Variants in PDE11A observed in about 807,000 individuals in gnomAD.
The protein encoded by PDE11A is phosphodiesterase 11A, also known as dual 3',5'-cyclic-AMP and -GMP phosphodiesterase 11A.
PDE11A carries 100 observed loss-of-function variants against 100.5 expected under a neutral mutation model. The ratio of observed to expected loss-of-function variants is 1.00; its 90% CI spans 0.85 to 1.18. The LOEUF is 1.18. Among genes scored for constraint, PDE11A ranks in the 50% most tolerant of loss-of-function variants. The pLI is 0.00. For missense variants in PDE11A, 1,141 were observed against 1,152.6 expected (o/e 0.99, Z 0.15); for synonymous variants, 381 against 420.8 (o/e 0.91, Z 1.16).
chr2:177,668,836 T>C (rs890014993), intron 18 of PDE11A, among the ~76,000 whole-genome samples: 1 of 152,154 alleles, frequency 6.6e-6, no homozygotes, highest in South Asian at 2.1e-4. Flanking sequence ...GTCATTGGGT[T>C]ATATGTTTTT....
intron 1 of PDE11A, among the ~76,000 whole-genome samples, chr2:178,059,836 G>A (rs1052811671): frequency 1.3e-4 from 20 of 152,142 alleles, no homozygotes; most frequent in African/African-American, 4.8e-4. Flanking sequence ...ATGACCTGCT[G>A]GAGAGGACGC....
chr2:178,072,252 A>G lies in PDE11A; in HGVS notation c.186T>C (p.Ala62=). 6.2e-7 allele frequency: 1 copy of G among 1,613,564 alleles called. No homozygotes were observed. The highest frequency in any genetic ancestry group is 8.5e-7 in the Non-Finnish European group (1 of 1,179,742). Residue 62 remains alanine (A), a synonymous_variant, in exon 1 of 20, where the codon GCT becomes GCC. Transcript: ENST00000286063. ...TGCTGCCACCTCTGCAGGTGCTGTG[A>G]GCCAAGCTGCTGGTACCAGCCAAAG... is the stretch of plus-strand genomic sequence containing the variant. ...RPSLAGTSSL[A]HSTCRGGSSV...
chr2:177,809,902 T>G (rs1300849002), intron 9 of PDE11A, among the ~76,000 whole-genome samples: 1 of 152,184 alleles, frequency 6.6e-6, no homozygotes, highest in African/African-American at 2.4e-5. Context: ...AGCCCTTTCA[T>G]CCAGTGAGAG....
chr2:177,639,701 T>A (rs2080110540), intron 19 of PDE11A, among the ~76,000 whole-genome samples: 1 of 152,240 alleles, frequency 6.6e-6, no homozygotes, highest in South Asian at 2.1e-4. Flanking sequence ...TTCTCTGCCA[T>A]CGTGGTCCAC....
chr2:178,048,156 T>C (rs889747264), intron 1 of PDE11A, among the ~76,000 whole-genome samples: 2 of 152,150 alleles, frequency 1.3e-5, no homozygotes, highest in Non-Finnish European at 2.9e-5. Context: ...GTTGTGGTAG[T>C]AGAGTTGCAG....
chr2:177,680,723 G>T, intron 16 of PDE11A, 103 bp downstream of exon 16: 1 of 651,346 alleles, frequency 1.5e-6, no homozygotes, highest in Non-Finnish European at 2.8e-6. Flanking sequence ...GCTAAGATTT[G>T]TTACTTTAAA....
chr2:177,876,330 C>T (rs764776273), intron 4 of PDE11A, among the ~76,000 whole-genome samples: 5 of 149,532 alleles, frequency 3.3e-5, no homozygotes, highest in Non-Finnish European at 5.9e-5. Context: ...ACCCCAGGCT[C>T]CTGAAGTTAG....
intron 1 of PDE11A, among the ~76,000 whole-genome samples, chr2:178,022,509 C>T (rs982088673): frequency 6.6e-6 from 1 of 151,496 alleles, no homozygotes; most frequent in African/African-American, 2.4e-5. Context: ...AGGAAAAGGA[C>T]TTGAAATGGA....
intron 2 of PDE11A, among the ~76,000 whole-genome samples, chr2:177,910,412 GTCTCTC>G (rs72413223): frequency 6.9e-6 from 1 of 145,932 alleles, no homozygotes; most frequent in Non-Finnish European, 1.5e-5. Flanking sequence ...CTCTCTCTCT[GTCTCTC>G]TCTCTCTCTC....
chr2:177,876,941 C>T (rs1374006932), intron 4 of PDE11A, among the ~76,000 whole-genome samples: 1 of 147,894 alleles, frequency 6.8e-6, no homozygotes, highest in Non-Finnish European at 1.5e-5. Context: ...AGCACAGAAG[C>T]CATATAAAGT....
intron 15 of PDE11A, among the ~76,000 whole-genome samples, chr2:177,681,379 A>G (rs1356845264): frequency 6.6e-6 from 1 of 152,222 alleles, no homozygotes; most frequent in East Asian, 1.9e-4. Context: ...GAAAATAACT[A>G]TTTCACCATT....
chr2:177,986,281 G>A (rs1022174135), intron 2 of PDE11A, among the ~76,000 whole-genome samples: 1 of 152,040 alleles, frequency 6.6e-6, no homozygotes, highest in African/African-American at 2.4e-5. Context: ...TTCTCTCCTG[G>A]CACAGAGTCA....
intron 10 of PDE11A, among the ~76,000 whole-genome samples, chr2:177,731,828 T>C (rs2081695446): frequency 6.6e-6 from 1 of 152,204 alleles, no homozygotes; most frequent in Non-Finnish European, 1.5e-5. Context: ...TTTGGCTGTC[T>C]TGAGTTTGCT....
chr2:177,946,237 T>G (rs1238253474), intron 2 of PDE11A, among the ~76,000 whole-genome samples: 5 of 95,718 alleles, frequency 5.2e-5, no homozygotes, highest in Non-Finnish European at 6.4e-5. Context: ...GGTGGGGGGG[T>G]CAGCCCCCCG....
chr2:178,098,345 A>G (rs868554896), intron 2 of PDE11A, among the ~76,000 whole-genome samples: 1 of 152,244 alleles, frequency 6.6e-6, no homozygotes, highest in African/African-American at 2.4e-5. Context: ...AAATCTGGGA[A>G]CACTCACTGG....
chr2:178,064,880 T>C (rs2087024428), intron 1 of PDE11A, among the ~76,000 whole-genome samples: 1 of 152,086 alleles, frequency 6.6e-6, no homozygotes, highest in East Asian at 1.9e-4. Flanking sequence ...TTTTTTCTCC[T>C]GAATTTGCGA....
chr2:177,804,868 G>A (rs1285986956), intron 9 of PDE11A, among the ~76,000 whole-genome samples: 1 of 151,902 alleles, frequency 6.6e-6, no homozygotes, highest in Non-Finnish European at 1.5e-5. Context: ...TTATAAGTTG[G>A]AGCTAAAGAA....
chr2:177,780,728 T>C (rs1035372360), intron 9 of PDE11A, among the ~76,000 whole-genome samples: 2 of 152,262 alleles, frequency 1.3e-5, no homozygotes, highest in African/African-American at 4.8e-5. Context: ...TTAAAGTTCA[T>C]GAATCTCTGC....
chr2:177,651,572 C>T (rs939847922), intron 19 of PDE11A, among the ~76,000 whole-genome samples: 1 of 151,984 alleles, frequency 6.6e-6, no homozygotes, highest in Non-Finnish European at 1.5e-5. Context: ...TGAAAGAGGA[C>T]AGTTAGAAAA....
Sources: gnomAD v4.1 joint callset for allele counts (sites outside exome capture counted in the v4.1 genomes callset) on GRCh38, gnomAD v4.1.1 for gene constraint, MANE v1.5 for transcripts, NCBI Gene and HGNC (gene_info 2026-07-23, HGNC 2026-07-21) for gene names.